STON1: variants seen among roughly 807,000 people sequenced by gnomAD.
STON1 encodes stonin-1.
In STON1, 79 loss-of-function variants were observed where a neutral mutation model predicts 60.9. That is an observed-to-expected ratio of 1.30 (90% CI 1.08 to 1.56). STON1 has a LOEUF of 1.56. STON1 is among the 40% of genes most tolerant of loss of function. STON1 has a pLI of 0.00. For synonymous variants in STON1, 363 were observed against 306.9 expected, an observed-to-expected ratio of 1.18 and a Z score of -1.91; for missense variants, 1,166 against 858.9, an observed-to-expected ratio of 1.36 and a Z score of -4.47.
At chr2:48,575,845 G>A (rs1211760564) in intron 1 of STON1, among the ~76,000 whole-genome samples, 1 of 140,422 alleles carries the variant, frequency 7.1e-6, no homozygotes, top group African/African-American at 2.6e-5. Flanking sequence ...TGCAACATCT[G>A]CCTCCTGGGT....
At chr2:48,564,864 C>T (rs1263164307) in intron 1 of STON1, among the ~76,000 whole-genome samples, 4 of 148,522 alleles carry the variant, frequency 2.7e-5, no homozygotes, top group South Asian at 2.1e-4. Context: ...TCCTGAGTAG[C>T]TGGAATTACA....
At chr2:48,560,365 GAC>G (rs1399384007) in intron 1 of STON1, among the ~76,000 whole-genome samples, 1 of 152,184 alleles carries the variant, frequency 6.6e-6, no homozygotes, top group Non-Finnish European at 1.5e-5. Context: ...ACCATCTAGT[GAC>G]CACAGGGTCC....
chr2:48,577,209 C>G (rs1673565234), intron 1 of STON1, among the ~76,000 whole-genome samples: 1 of 151,970 alleles, frequency 6.6e-6, no homozygotes, highest in Non-Finnish European at 1.5e-5. Flanking sequence ...CTTTTGTTGC[C>G]TGTGCTTTGC....
chr2:48,590,633 T>A (rs1463219376), intron 2 of STON1, among the ~76,000 whole-genome samples: 1 of 2,078 alleles, frequency 4.8e-4, no homozygotes, highest in Non-Finnish European at 9.5e-4. Flanking sequence ...ATCATTTCCT[T>A]ATAACACACA....
At position 48,576,618 on chromosome 2, in the gene STON1, A is replaced by T. The variant is rs1673515272; in HGVS notation, c.-47-3969A>T. Among the ~76,000 whole-genome samples the T allele has an allele frequency of 2.0e-5, 3 of 150,868 alleles. No individual in the cohort carries two copies. The South Asian group carries it at 6.2e-4, about 31-fold the overall frequency. ...GATTAGTGATGTTGAGCATCTTTTC[A>T]TATATTTTCTGGCTATTTGTATGTC... On this transcript the variant is annotated intron_variant, in intron 1 of 3. Coordinates refer to ENST00000404752, the MANE Select transcript of STON1 (RefSeq NM_006873.4).
At position 48,530,227 on chromosome 2, in the gene STON1, A is replaced by T. The variant is rs967087575; in HGVS notation, c.-48+11A>T. 5.2e-6 allele frequency: 2 copies of T among 384,280 alleles called. No homozygotes were observed. The highest frequency in any genetic ancestry group is 1.0e-5 in the Non-Finnish European group (2 of 200,040). 23.8% of individuals were successfully genotyped at this position (384,280 alleles called of 1,614,324 possible). On this transcript the variant is annotated intron_variant, in intron 1 of 3. Coordinates refer to ENST00000404752, the MANE Select transcript of STON1 (RefSeq NM_006873.4). Reference sequence around the variant, plus strand: ...CCAACCGCGCTGCCGGTGAGTGACCAGCCCCAGGGGACAGAGACGGGAGGC... The same window carrying T: ...CCAACCGCGCTGCCGGTGAGTGACCTGCCCCAGGGGACAGAGACGGGAGGC...
chr2:48,542,794 C>G (rs1490998715), intron 1 of STON1, among the ~76,000 whole-genome samples: 1 of 152,014 alleles, frequency 6.6e-6, no homozygotes, highest in Non-Finnish European at 1.5e-5. Context: ...ATCCCAGCTA[C>G]TCAGGAGGCT....
chr2:48,568,268 T>C (rs78483485), intron 1 of STON1, among the ~76,000 whole-genome samples: 6,255 of 152,116 alleles, frequency 0.041, 281 homozygotes, highest in African/African-American at 0.1. Flanking sequence ...AGGGACCACA[T>C]TGGGGCGTGC....
intron 1 of STON1, among the ~76,000 whole-genome samples, chr2:48,540,317 T>C (rs1671603785): frequency 6.6e-6 from 1 of 152,164 alleles, no homozygotes; most frequent in Admixed American, 6.6e-5. Flanking sequence ...ATACTGGGTG[T>C]GTTAGGCCTC....
At chr2:48,534,524 C>CTT (rs917775376) in intron 1 of STON1, among the ~76,000 whole-genome samples, 9 of 152,274 alleles carry the variant, frequency 5.9e-5, no homozygotes, top group African/African-American at 2.2e-4. Flanking sequence ...ATGTTTCATG[C>CTT]TTTAGTAAGA....
chr2:48,562,764 C>T (rs1306011470), intron 1 of STON1, among the ~76,000 whole-genome samples: 1 of 152,212 alleles, frequency 6.6e-6, no homozygotes, highest in Non-Finnish European at 1.5e-5. Context: ...AGTTGCCCAT[C>T]TTGCCACCTA....
At chr2:48,532,362 A>G (rs1671248302) in intron 1 of STON1, among the ~76,000 whole-genome samples, 1 of 150,246 alleles carries the variant, frequency 6.7e-6, no homozygotes, top group Non-Finnish European at 1.5e-5. Flanking sequence ...AAATAAATAA[A>G]TAAATAAATA....
intron 1 of STON1, among the ~76,000 whole-genome samples, chr2:48,565,198 G>T (rs1266238967): frequency 6.6e-6 from 1 of 151,006 alleles, no homozygotes; most frequent in Non-Finnish European, 1.5e-5. Flanking sequence ...GACTACAGGC[G>T]CCCGCCACCA....
At chr2:48,592,048 G>A (rs1044992361) in intron 3 of STON1, among the ~76,000 whole-genome samples, 193 bp downstream of exon 3, 4 of 151,936 alleles carry the variant, frequency 2.6e-5, no homozygotes, top group African/African-American at 9.7e-5. Flanking sequence ...GAGAATGTTG[G>A]GAACACTTAA....
Position 48,580,912 on chromosome 2 carries a change from C to T in STON1, c.279C>T (p.Gly93=). 6.3e-7 allele frequency: 1 copy of T among 1,598,830 alleles called. No individual in the cohort carries two copies. The highest frequency in any genetic ancestry group is 8.5e-7 in the Non-Finnish European group (1 of 1,173,936). ...TPTKDFPGFP[G]IPKAGTHVLY... ...CCAAAGACTTCCCAGGTTTTCCTGG[C>T]ATCCCCAAAGCAGGGACTCATGTGC... Residue 93 remains glycine, a synonymous_variant, in exon 2 of 4, where the codon GGC becomes GGT. Transcript: ENST00000404752.
At chr2:48,564,498 C>CTTCT (rs1672804534) in intron 1 of STON1, among the ~76,000 whole-genome samples, 1 of 23,220 alleles carries the variant, frequency 4.3e-5, no homozygotes, top group African/African-American at 2.0e-4. Flanking sequence ...TCTTCTTCTT[C>CTTCT]TTCTTCTTCT....
chr2:48,597,980 C>G lies in STON1; in HGVS notation c.*2678C>G, dbSNP rs1674856246. On this transcript the variant is annotated 3_prime_UTR_variant, in exon 4 of 4. Transcript: ENST00000404752. The stretch of plus-strand genomic sequence containing the variant: ...GGAATGAGGGAGGAAATATTCCTTT[C>G]TAGCATTCATTTTGCTTAGATCACT... The G allele has an allele frequency of 6.6e-6, 1 of 152,144 alleles. No individual in the cohort carries two copies. Among genetic ancestry groups the G allele is most frequent in the South Asian group, 2.1e-4 (1 of 4,828 alleles). 9.4% of individuals were successfully genotyped at this position (152,144 alleles called of 1,614,324 possible). A position where few individuals can be genotyped will look rare whatever the true frequency, so the allele number is the denominator to read the frequency against.
chr2:48,576,598 G>A (rs1673514129), intron 1 of STON1, among the ~76,000 whole-genome samples: 1 of 151,132 alleles, frequency 6.6e-6, no homozygotes. Flanking sequence ...CTGATGATTA[G>A]TGATGTTGAG....
chr2:48,587,006 G>C (rs190018243), intron 2 of STON1, among the ~76,000 whole-genome samples: 1 of 152,162 alleles, frequency 6.6e-6, no homozygotes, highest in Admixed American at 6.5e-5. Context: ...GCCATTAGCC[G>C]AGATAGCCTG....
Sources: gnomAD v4.1 joint callset for allele counts (sites outside exome capture counted in the v4.1 genomes callset) on GRCh38, gnomAD v4.1.1 for gene constraint, MANE v1.5 for transcripts, NCBI Gene and HGNC (gene_info 2026-07-23, HGNC 2026-07-21) for gene names.